CNTN5: variants seen among roughly 807,000 people sequenced by gnomAD.
CNTN5 encodes contactin-5.
CNTN5 carries 77 observed loss-of-function variants against 129.1 expected under a neutral mutation model. That is an observed-to-expected ratio of 0.60 (90% CI 0.50 to 0.72). CNTN5 has a LOEUF of 0.72. Among genes scored for constraint, CNTN5 ranks in the 30% least tolerant of loss-of-function variants. The pLI, the probability that CNTN5 is intolerant of heterozygous loss-of-function variation, is 0.00. For synonymous variants in CNTN5, 509 were observed against 465.6 expected, an observed-to-expected ratio of 1.09 and a Z score of -1.20; for missense variants, 1,478 against 1,328.8, an observed-to-expected ratio of 1.11 and a Z score of -1.75.
Position 100,299,226 on chromosome 11 carries a change from G to C in CNTN5, c.2450G>C (p.Gly817Ala), listed in dbSNP as rs1951166197. The C allele has an allele frequency of 1.2e-6, 2 of 1,610,042 alleles. No homozygotes were observed. The highest frequency in any genetic ancestry group is 8.5e-7 in the Non-Finnish European group (1 of 1,177,502). Reference sequence around the variant, plus strand: ...TATATTGTGGCTTTCAGACCCAATGGAACACGTGGCTGGAAGGAAAAAATG... The same window carrying C: ...TATATTGTGGCTTTCAGACCCAATGCAACACGTGGCTGGAAGGAAAAAATG... ...FGYIVAFRPNGTRGWKEKMVT... is the reference protein window; with the variant it reads ...FGYIVAFRPNATRGWKEKMVT... Residue 817 changes from glycine to alanine, a missense_variant, in exon 20 of 25, where the codon GGA becomes GCA. Coordinates refer to ENST00000524871, the MANE Select transcript of CNTN5 (RefSeq NM_014361.4).
At chr11:100,242,293 G>A (rs1307158310) in intron 16 of CNTN5, among the ~76,000 whole-genome samples, 2 of 152,046 alleles carry the variant, frequency 1.3e-5, no homozygotes, top group Non-Finnish European at 2.9e-5. Context: ...CCTATCAAAT[G>A]TTGCCTACCT....
At chr11:99,984,488 GTGA>G (rs962395197) in intron 8 of CNTN5, among the ~76,000 whole-genome samples, 12 of 151,836 alleles carry the variant, frequency 7.9e-5, no homozygotes, top group African/African-American at 2.7e-4. Context: ...TGTGGTGATG[GTGA>G]TGATTTTTTT....
chr11:99,160,155 A>G (rs1023420655), intron 1 of CNTN5, among the ~76,000 whole-genome samples: 3 of 152,226 alleles, frequency 2.0e-5, no homozygotes, highest in Admixed American at 1.3e-4. Context: ...CCACTGTTTC[A>G]TAGAGGACTT....
At chr11:99,166,306 G>A (rs774299567) in intron 1 of CNTN5, among the ~76,000 whole-genome samples, 3 of 151,190 alleles carry the variant, frequency 2.0e-5, no homozygotes, top group Non-Finnish European at 4.4e-5. Flanking sequence ...GGAGGCTGAG[G>A]CAGAAGAACC....
At chr11:99,619,493 A>G (rs1319154348) in intron 3 of CNTN5, among the ~76,000 whole-genome samples, 1 of 152,090 alleles carries the variant, frequency 6.6e-6, no homozygotes, top group Non-Finnish European at 1.5e-5. Flanking sequence ...AGCTGTCATC[A>G]CCATCTATCT....
chr11:100,290,202 A>G (rs1184348405), intron 18 of CNTN5, among the ~76,000 whole-genome samples: 2 of 151,634 alleles, frequency 1.3e-5, no homozygotes, highest in Non-Finnish European at 3.0e-5. Context: ...TACAGATTCA[A>G]TGCCATCCCC....
At chr11:99,971,833 AT>A (rs1196547642) in intron 8 of CNTN5, among the ~76,000 whole-genome samples, 1 of 151,668 alleles carries the variant, frequency 6.6e-6, no homozygotes, top group Non-Finnish European at 1.5e-5. Flanking sequence ...ATAATATTTA[AT>A]TTTAAAAAAA....
chr11:100,223,477 G>A (rs1041489171), intron 15 of CNTN5, among the ~76,000 whole-genome samples: 6 of 152,160 alleles, frequency 3.9e-5, no homozygotes, highest in Non-Finnish European at 7.4e-5. Context: ...AAAGATATCT[G>A]GAAATTTGTC....
At chr11:99,820,751 G>A (rs1413627487) in intron 4 of CNTN5, among the ~76,000 whole-genome samples, 2 of 152,198 alleles carry the variant, frequency 1.3e-5, no homozygotes, top group African/African-American at 2.4e-5. Context: ...ACTGCTAATA[G>A]GTATCATAGC....
intron 18 of CNTN5, among the ~76,000 whole-genome samples, chr11:100,286,106 C>T (rs535214030): frequency 8.0e-4 from 122 of 152,262 alleles, no homozygotes; most frequent in Non-Finnish European, 1.2e-3. Context: ...GAGGGTCCTA[C>T]GCCCACGGAG....
At chr11:99,468,636 A>G (rs568215815) in intron 2 of CNTN5, among the ~76,000 whole-genome samples, 4 of 128,266 alleles carry the variant, frequency 3.1e-5, no homozygotes, top group Admixed American at 2.6e-4. Flanking sequence ...AGATTAACAT[A>G]TAAGTGTGAG....
chr11:99,138,763 C>T (rs1395308922), intron 1 of CNTN5, among the ~76,000 whole-genome samples: 1 of 152,114 alleles, frequency 6.6e-6, no homozygotes, highest in East Asian at 1.9e-4. Flanking sequence ...AATAAAGCAT[C>T]TATTTGCTGA....
intron 2 of CNTN5, among the ~76,000 whole-genome samples, chr11:99,520,102 A>T (rs1046743360): frequency 7.2e-5 from 11 of 152,092 alleles, no homozygotes; most frequent in African/African-American, 2.4e-4. Context: ...GCACATGAGA[A>T]TTCAATACAA....
intron 2 of CNTN5, among the ~76,000 whole-genome samples, chr11:99,442,186 T>G (rs1021798130): frequency 6.6e-6 from 1 of 152,196 alleles, no homozygotes; most frequent in South Asian, 2.1e-4. Context: ...ATATATTTTT[T>G]TTTTAAGATG....
At chr11:99,199,965 C>T (rs1316986857) in intron 1 of CNTN5, among the ~76,000 whole-genome samples, 3 of 143,440 alleles carry the variant, frequency 2.1e-5, no homozygotes, top group Non-Finnish European at 4.6e-5. Flanking sequence ...ATATATCCAT[C>T]AACATCATCA....
intron 1 of CNTN5, among the ~76,000 whole-genome samples, chr11:99,317,484 G>A (rs940413936): frequency 6.6e-6 from 1 of 152,016 alleles, no homozygotes; most frequent in Admixed American, 6.6e-5. Flanking sequence ...TGAGAAACGA[G>A]TTCAGACGAT....
intron 2 of CNTN5, among the ~76,000 whole-genome samples, chr11:99,358,539 G>A (rs533305880): frequency 3.3e-5 from 5 of 151,398 alleles, no homozygotes; most frequent in East Asian, 2.0e-4. Flanking sequence ...CCAGCCTGGC[G>A]ACAGAGCAAG....
chr11:99,871,823 G>T (rs1591343416), intron 6 of CNTN5, among the ~76,000 whole-genome samples: 1 of 151,858 alleles, frequency 6.6e-6, no homozygotes, highest in Admixed American at 6.6e-5. Context: ...TAAATCTAGT[G>T]ATTGAAATTA....
chr11:99,875,377 A>T (rs1353086883), intron 6 of CNTN5, among the ~76,000 whole-genome samples: 1 of 152,158 alleles, frequency 6.6e-6, no homozygotes, highest in African/African-American at 2.4e-5. Flanking sequence ...GAAGTTGATT[A>T]TTAAAACACT....
Sources: allele counts gnomAD v4.1 joint callset (sites outside exome capture counted in the v4.1 genomes callset), GRCh38; gene constraint gnomAD v4.1.1; transcripts MANE v1.5; gene names NCBI Gene and HGNC (gene_info 2026-07-23, HGNC 2026-07-21).